AKR1B15: variants seen among roughly 807,000 people sequenced by gnomAD.
AKR1B15 encodes the protein aldo-keto reductase family 1 member B15, also known as estradiol 17-beta-dehydrogenase AKR1B15.
In AKR1B15, 49 loss-of-function variants were observed where a neutral mutation model predicts 38.5. That is an observed-to-expected ratio of 1.27 (90% CI 1.01 to 1.62). The LOEUF is 1.62. Among genes scored for constraint, AKR1B15 ranks in the 40% most tolerant of loss-of-function variants. The pLI is 0.00. For missense variants in AKR1B15, 411 were observed against 381.6 expected, an observed-to-expected ratio of 1.08 and a Z score of -0.64; for synonymous variants, 137 against 135.5, an observed-to-expected ratio of 1.01 and a Z score of -0.08.
Position 134,564,623 on chromosome 7 carries a change from G to A in AKR1B15, c.4G>A (p.Val2Ile), listed in dbSNP as rs562414625. The part of the protein sequence containing the change: M[V>I]LQMEPQVNST... ...GATCGAGGCCATCAAGCTACAGATG[G>A]TCTTACAAATGGAACCCCAAGTGAA... Residue 2 changes from valine to isoleucine, a missense_variant, in exon 3 of 12, where the codon GTC becomes ATC. Transcript: ENST00000457545. The A allele has an allele frequency of 1.4e-6, 1 of 697,178 alleles. No homozygotes were observed. The highest frequency in any genetic ancestry group is 1.8e-5 in the African/African-American group (1 of 57,108). 43.2% of individuals were successfully genotyped at this position (697,178 alleles called of 1,614,324 possible).
chr7:134,571,808 T>A (rs1469749988), intron 6 of AKR1B15, 127 bp downstream of exon 6: 1 of 766,012 alleles, frequency 1.3e-6, no homozygotes, highest in African/African-American at 1.7e-5. Flanking sequence ...CTCTAGCTCT[T>A]CTAATATCCT....
chr7:134,576,579 C>A (rs1794772676), intron 9 of AKR1B15, 149 bp downstream of exon 9: 5 of 950,626 alleles, frequency 5.3e-6, no homozygotes, highest in Non-Finnish European at 6.2e-6. Context: ...TCTGTTGGAA[C>A]CTCTAGGAAA....
chr7:134,575,607 A>G (rs1312224030), intron 7 of AKR1B15, 65 bp downstream of exon 7: 6 of 1,603,778 alleles, frequency 3.7e-6, no homozygotes, highest in Non-Finnish European at 5.1e-6. Flanking sequence ...TGCGGGGGGA[A>G]TGTTCAATGC....
At chr7:134,566,446 G>A (rs138402156) in intron 3 of AKR1B15, among the ~76,000 whole-genome samples, 44 of 152,282 alleles carry the variant, frequency 2.9e-4, no homozygotes, top group African/African-American at 7.5e-4. Context: ...GCTGGGAGTC[G>A]TGAGCTCCAC....
chr7:134,573,646 G>T, intron 6 of AKR1B15: 1 of 647,356 alleles, frequency 1.5e-6, no homozygotes, highest in Non-Finnish European at 1.9e-6. Flanking sequence ...GTTTTAATAC[G>T]GGAAAACTAA....
intron 4 of AKR1B15, among the ~76,000 whole-genome samples, chr7:134,568,865 G>GAAA (rs35715276): frequency 2.7e-5 from 4 of 148,778 alleles, no homozygotes; most frequent in African/African-American, 7.5e-5. Flanking sequence ...GCAAGTTGCT[G>GAAA]AAAAAAAAAA....
At chr7:134,569,774 A>G (rs113346911) in intron 5 of AKR1B15, 4 of 419,700 alleles carry the variant, frequency 9.5e-6, no homozygotes, top group African/African-American at 2.0e-5. Flanking sequence ...TACTTTTGTG[A>G]TTTCCTATGC....
In AKR1B15 at chr7:134,577,712, C is replaced by T. The variant is rs1794795553; in HGVS notation, c.918C>T (p.Asp306=). The change falls in exon 11 of 12, where the codon GAC becomes GAT. Residue 306 remains aspartate, a synonymous_variant. Coordinates refer to ENST00000457545, the MANE Select transcript of AKR1B15 (RefSeq NM_001080538.3). ...AATTCTTTCCTTTCTAGGTCTTTGA[C>T]TTTAAATTGAGTGATGAGGAGATGG... ...AHIVENIQVF[D]FKLSDEEMAT... 6.2e-7 allele frequency: 1 copy of T among 1,613,838 alleles called. No homozygotes were observed. The highest frequency in any genetic ancestry group is 2.2e-5 in the East Asian group (1 of 44,788).
chr7:134,565,669 C>G, intron 3 of AKR1B15: 1 of 1,498,398 alleles, frequency 6.7e-7, no homozygotes, highest in Non-Finnish European at 8.9e-7. Flanking sequence ...AATTTCAGTC[C>G]TGGAGCTGGG....
chr7:134,579,355 G>C (rs1395888609), intron 11 of AKR1B15, among the ~76,000 whole-genome samples, 152 bp from the exon 12 acceptor site: 2 of 152,194 alleles, frequency 1.3e-5, no homozygotes, highest in Admixed American at 1.3e-4. Context: ...TTTGAAGGAA[G>C]GTCAAGGTGT....
At chr7:134,552,097 C>T (rs10267046) in intron 1 of AKR1B15, among the ~76,000 whole-genome samples, 15,479 of 152,232 alleles carry the variant, frequency 0.1, 1,036 homozygotes, top group East Asian at 0.31. Context: ...TCCTGTCACC[C>T]ACTCACGAGA....
chr7:134,551,415 C>A (rs1793971828), intron 1 of AKR1B15, among the ~76,000 whole-genome samples: 1 of 152,176 alleles, frequency 6.6e-6, no homozygotes, highest in African/African-American at 2.4e-5. Flanking sequence ...AGGTCTTAAC[C>A]TCACTGATGG....
chr7:134,559,288 G>A (rs1794310324), intron 2 of AKR1B15, among the ~76,000 whole-genome samples: 1 of 152,160 alleles, frequency 6.6e-6, no homozygotes, highest in Non-Finnish European at 1.5e-5. Flanking sequence ...AATCAAGCAT[G>A]TATAAGTATG....
chr7:134,569,321 G>T, intron 4 of AKR1B15, 92 bp from the exon 5 acceptor site: 1 of 1,471,030 alleles, frequency 6.8e-7, no homozygotes, highest in Non-Finnish European at 9.5e-7. Context: ...AGCCAGGTTA[G>T]ATGAGGATGC....
In AKR1B15 at chr7:134,568,170, A is replaced by T. The variant is rs375294848; in HGVS notation, c.163A>T (p.Lys55Ter). 1.2e-6 allele frequency: 2 copies of T among 1,614,050 alleles called. No individual in the cohort carries two copies. The highest frequency in any genetic ancestry group is 1.7e-4 in the Middle Eastern group (1 of 6,060). The part of the protein sequence containing the change: ...LRPYPASLLG[K>*]VKEAVKVAID... ...TTTTGCTTTTCAGTCTCTTCTCGGC[A>T]AAGTGAAAGAAGCGGTGAAGGTGGC... The change falls in exon 4 of 12, where the codon AAA becomes TAA. Residue 55 changes from lysine (K) to a stop codon, truncating the protein, a stop_gained. Transcript: ENST00000457545. LOFTEE classifies it high-confidence loss of function.
Position 134,579,525 on chromosome 7 carries a change from C to T in AKR1B15, c.1011C>T (p.Asp337=). The T allele has an allele frequency of 6.3e-7, 1 of 1,598,226 alleles. No homozygotes were observed. Among genetic ancestry groups the T allele is most frequent in the Non-Finnish European group, 8.5e-7 (1 of 1,172,470 alleles). The change falls in exon 12 of 12, where the codon GAC becomes GAT. Residue 337 remains aspartate (D), a synonymous_variant. Transcript: ENST00000457545. ...TCTGTAGATTCTCTCATTTGGAGGA[C>T]TTTCCCTTCGATGCAGAATATTGAG... ...FDFKEFSHLE[D]FPFDAEY
chr7:134,571,653 G>A lies in AKR1B15; in HGVS notation c.485G>A (p.Gly162Glu), dbSNP rs1424813344. The A allele has an allele frequency of 1.2e-6, 2 of 1,613,732 alleles. No individual in the cohort carries two copies. The highest frequency in any genetic ancestry group is 4.5e-5 in the East Asian group (2 of 44,872). The change falls in exon 6 of 12, where the codon GGA (glycine) becomes GAA (glutamate). Residue 162 changes from glycine to glutamate, a missense_variant. Gly to Glu is a moderately conservative substitution (Grantham distance 98, BLOSUM62 -2). Transcript: ENST00000457545. Reference protein sequence around the residue: ...PKDDKGNMISGKGTFLDAWEA... With the variant: ...PKDDKGNMISEKGTFLDAWEA... ...GATGATAAAGGTAATATGATCAGTGGAAAAGGAACGTTCTTGGATGCCTGG... is the reference window on the plus strand; with the variant it reads ...GATGATAAAGGTAATATGATCAGTGAAAAAGGAACGTTCTTGGATGCCTGG...
chr7:134,578,671 T>C (rs1794816157), intron 11 of AKR1B15, among the ~76,000 whole-genome samples: 2 of 152,248 alleles, frequency 1.3e-5, no homozygotes, highest in South Asian at 4.1e-4. Flanking sequence ...TTTCTTCAAA[T>C]ATTTGTGTAG....
At chr7:134,572,639 A>G (rs940631) in intron 6 of AKR1B15, among the ~76,000 whole-genome samples, 5 of 146,590 alleles carry the variant, frequency 3.4e-5, no homozygotes, top group East Asian at 3.9e-4. Flanking sequence ...AAGAAAAAAA[A>G]AAAAAAGAAA....
Sources: allele counts gnomAD v4.1 joint callset (sites outside exome capture counted in the v4.1 genomes callset), GRCh38; gene constraint gnomAD v4.1.1; transcripts MANE v1.5; gene names NCBI Gene and HGNC (gene_info 2026-07-23, HGNC 2026-07-21).